Variants in MNAT1 observed in about 807,000 individuals in gnomAD.
MNAT1 encodes the protein MNAT1 component of CDK activating kinase.
In MNAT1, 43 loss-of-function variants were observed where a neutral mutation model predicts 42.0. The observed-to-expected ratio is 1.02, with a 90% CI of 0.80 to 1.32. The LOEUF (loss-of-function observed/expected upper bound fraction) is 1.32. Ranked by LOEUF, MNAT1 falls within the 40% of genes most tolerant of loss-of-function variation. MNAT1 has a pLI of 0.00. For missense variants in MNAT1, 306 were observed against 350.4 expected, an observed-to-expected ratio of 0.87 and a Z score of 1.01; for synonymous variants, 118 against 120.0, an observed-to-expected ratio of 0.98 and a Z score of 0.11.
intron 6 of MNAT1, among the ~76,000 whole-genome samples, chr14:60,860,093 A>G (rs891689027): frequency 9.2e-5 from 14 of 152,102 alleles, no homozygotes; most frequent in African/African-American, 1.4e-4. Context: ...CTGTAACATC[A>G]TTTGTAACAT....
chr14:60,890,035 C>T (rs564668127), intron 7 of MNAT1, among the ~76,000 whole-genome samples: 15 of 152,320 alleles, frequency 9.8e-5, no homozygotes, highest in African/African-American at 3.4e-4. Flanking sequence ...TTGTGGAAGT[C>T]AGTGTGGTGA....
chr14:60,759,506 C>A (rs1184961859), intron 1 of MNAT1, among the ~76,000 whole-genome samples: 2 of 152,164 alleles, frequency 1.3e-5, no homozygotes, highest in African/African-American at 4.8e-5. Context: ...ACTGCTAGAT[C>A]TGGTAACATT....
At chr14:60,777,657 A>T (rs2031301466) in intron 1 of MNAT1, among the ~76,000 whole-genome samples, 1 of 152,004 alleles carries the variant, frequency 6.6e-6, no homozygotes, top group African/African-American at 2.4e-5. Flanking sequence ...TCCATAATAC[A>T]TATTGGGAAA....
At chr14:60,832,354 A>G (rs2033250647) in intron 6 of MNAT1, among the ~76,000 whole-genome samples, 2 of 152,104 alleles carry the variant, frequency 1.3e-5, no homozygotes, top group Admixed American at 6.5e-5. Flanking sequence ...TAATTTTTGT[A>G]TAAGTTGTAA....
intron 6 of MNAT1, among the ~76,000 whole-genome samples, chr14:60,835,424 A>G (rs1019155044): frequency 1.3e-5 from 2 of 152,150 alleles, no homozygotes; most frequent in African/African-American, 4.8e-5. Context: ...GAGCTCTTGT[A>G]AGGCAGGTTT....
intron 6 of MNAT1, among the ~76,000 whole-genome samples, chr14:60,842,902 G>A (rs12436792): frequency 0.68 from 102,775 of 152,070 alleles, 35,106 homozygotes; most frequent in Admixed American, 0.73. Flanking sequence ...CCTATTGCAT[G>A]TTGCTAGCCC....
chr14:60,899,586 A>G (rs905706288), intron 7 of MNAT1, among the ~76,000 whole-genome samples: 6 of 152,302 alleles, frequency 3.9e-5, no homozygotes, highest in African/African-American at 1.4e-4. Flanking sequence ...TTTGATCTCT[A>G]TTAGCACTAT....
intron 7 of MNAT1, among the ~76,000 whole-genome samples, chr14:60,929,766 A>C (rs1305435183): frequency 6.6e-6 from 1 of 152,150 alleles, no homozygotes; most frequent in Non-Finnish European, 1.5e-5. Context: ...AGGAATTTCT[A>C]ATTTTAAATA....
intron 1 of MNAT1, among the ~76,000 whole-genome samples, chr14:60,786,450 T>C (rs2031654234): frequency 6.6e-6 from 1 of 152,132 alleles, no homozygotes; most frequent in African/African-American, 2.4e-5. Flanking sequence ...TCTCAGACTT[T>C]TTGGTGTTAG....
At chr14:60,911,851 G>T (rs1014036422) in intron 7 of MNAT1, among the ~76,000 whole-genome samples, 1 of 151,890 alleles carries the variant, frequency 6.6e-6, no homozygotes, top group Non-Finnish European at 1.5e-5. Flanking sequence ...TTGGTGCAGA[G>T]CTGAGTTCAA....
intron 1 of MNAT1, among the ~76,000 whole-genome samples, chr14:60,737,404 T>C (rs569178739): frequency 2.9e-4 from 44 of 152,062 alleles, no homozygotes; most frequent in Non-Finnish European, 5.4e-4. Flanking sequence ...TGTGTGTATA[T>C]ATATATATTT....
chr14:60,847,228 C>A lies in MNAT1; in HGVS notation c.687+28381C>A, dbSNP rs908797110. ...GACCATCCTGGCTAACACGGTGAAA[C>A]CCCGTCTCTACTAAAAATACAAAAA... is the stretch of plus-strand genomic sequence containing the variant. On this transcript the variant is annotated intron_variant, in intron 6 of 7. Coordinates refer to ENST00000261245, the MANE Select transcript of MNAT1 (RefSeq NM_002431.4). Among the ~76,000 whole-genome samples, 4 of 151,908 alleles carry A rather than the reference C, an allele frequency of 2.6e-5. No homozygotes were observed. The East Asian group carries it at 5.8e-4, about 22-fold the overall frequency.
chr14:60,883,920 T>C (rs1041208001), intron 7 of MNAT1, among the ~76,000 whole-genome samples: 2 of 152,190 alleles, frequency 1.3e-5, no homozygotes, highest in African/African-American at 4.8e-5. Flanking sequence ...TGATTTTGTA[T>C]TCTGCAACTT....
chr14:60,782,856 G>A (rs1431565737), intron 1 of MNAT1, among the ~76,000 whole-genome samples: 1 of 152,150 alleles, frequency 6.6e-6, no homozygotes, highest in Non-Finnish European at 1.5e-5. Context: ...ATAAATAATT[G>A]CTCAGGAATG....
In MNAT1 at chr14:60,968,480, A is replaced by T; in HGVS notation, c.*131A>T. 6.6e-7 allele frequency: 1 copy of T among 1,510,004 alleles called. No homozygotes were observed. Among genetic ancestry groups the T allele is most frequent in the Non-Finnish European group, 8.8e-7 (1 of 1,133,176 alleles). 93.5% of individuals were successfully genotyped at this position (1,510,004 alleles called of 1,614,324 possible). ...TAGCAGCTGTGTTAAAGTATTTATA[A>T]GGAGAAAATTTCAGAACTAAGTTGA... On this transcript the variant is annotated 3_prime_UTR_variant, in exon 8 of 8. Transcript: ENST00000261245.
intron 1 of MNAT1, among the ~76,000 whole-genome samples, chr14:60,793,030 T>G (rs1246625983): frequency 2.6e-5 from 4 of 152,118 alleles, no homozygotes; most frequent in Non-Finnish European, 4.4e-5. Context: ...CTTCTTTTTT[T>G]TTTTTTGAAA....
intron 7 of MNAT1, among the ~76,000 whole-genome samples, chr14:60,936,349 A>C (rs1244432963): frequency 6.6e-6 from 1 of 151,504 alleles, no homozygotes; most frequent in Non-Finnish European, 1.5e-5. Context: ...ATTTAACATT[A>C]GGTATATCTC....
chr14:60,812,559 TG>T (rs1006617381), intron 5 of MNAT1, among the ~76,000 whole-genome samples: 24 of 152,342 alleles, frequency 1.6e-4, no homozygotes, highest in African/African-American at 5.0e-4. Flanking sequence ...ATTGAGAACT[TG>T]TCCTCCTGTT....
intron 1 of MNAT1, among the ~76,000 whole-genome samples, chr14:60,795,169 T>TA (rs2139325190): frequency 6.6e-6 from 1 of 152,274 alleles, no homozygotes; most frequent in South Asian, 2.1e-4. Flanking sequence ...ATTTAAAAGT[T>TA]ATAAATCAAG....
Sources: gnomAD v4.1 joint callset for allele counts (sites outside exome capture counted in the v4.1 genomes callset) on GRCh38, gnomAD v4.1.1 for gene constraint, MANE v1.5 for transcripts, NCBI Gene and HGNC (gene_info 2026-07-23, HGNC 2026-07-21) for gene names.